ADGRD1: variants seen among roughly 807,000 people sequenced by gnomAD.
ADGRD1 encodes the protein G-protein coupled receptor 133.
A neutral mutation model predicts 113.4 loss-of-function variants in ADGRD1; 77 were observed. The ratio of observed to expected loss-of-function variants is 0.68; its 90% CI spans 0.57 to 0.82. ADGRD1 has a LOEUF of 0.82. Among genes scored for constraint, ADGRD1 ranks in the 40% least tolerant of loss-of-function variants. ADGRD1 has a pLI of 0.00. For missense variants in ADGRD1, 1,036 were observed against 1,139.1 expected (o/e 0.91, Z 1.30); for synonymous variants, 474 against 475.0 (o/e 1.00, Z 0.03).
intron 12 of ADGRD1, among the ~76,000 whole-genome samples, chr12:131,008,404 A>G (rs1436405120): frequency 6.6e-6 from 1 of 152,172 alleles, no homozygotes; most frequent in African/African-American, 2.4e-5. Flanking sequence ...GTGTGTTGTG[A>G]GGATGAAAGG....
chr12:131,010,259 G>A (rs760793888), intron 12 of ADGRD1, among the ~76,000 whole-genome samples: 14 of 152,178 alleles, frequency 9.2e-5, no homozygotes, highest in Admixed American at 3.3e-4. Flanking sequence ...TTGAATTCTC[G>A]CGCTGAGGGA....
chr12:131,008,373 T>C (rs1877437595), intron 12 of ADGRD1, among the ~76,000 whole-genome samples: 1 of 152,262 alleles, frequency 6.6e-6, no homozygotes, highest in African/African-American at 2.4e-5. Context: ...TATTGTGTGC[T>C]GTCATCCTCA....
intron 13 of ADGRD1, among the ~76,000 whole-genome samples, chr12:131,033,434 A>G (rs1384697339): frequency 6.6e-6 from 1 of 152,194 alleles, no homozygotes; most frequent in Non-Finnish European, 1.5e-5. Context: ...AGGCGTCCAC[A>G]TGCGGCCTTC....
At chr12:131,040,000 C>T (rs1881951881) in intron 13 of ADGRD1, among the ~76,000 whole-genome samples, 1 of 152,200 alleles carries the variant, frequency 6.6e-6, no homozygotes, top group African/African-American at 2.4e-5. Flanking sequence ...ACACCAAGGG[C>T]CACAGAGGGA....
intron 13 of ADGRD1, among the ~76,000 whole-genome samples, chr12:131,059,486 A>G (rs570210457): frequency 6.6e-6 from 1 of 152,306 alleles, no homozygotes; most frequent in South Asian, 2.1e-4. Context: ...CAGCCCATCC[A>G]TTGAGATTTT....
intron 14 of ADGRD1, among the ~76,000 whole-genome samples, chr12:131,079,040 G>C (rs183163381): frequency 1.7e-4 from 26 of 152,208 alleles, no homozygotes; most frequent in Admixed American, 1.4e-3. Flanking sequence ...TGCAAGCACC[G>C]ATTTGTCTTC....
intron 13 of ADGRD1, chr12:131,070,537 G>GT (rs1458487854): frequency 3.0e-5 from 6 of 201,838 alleles, no homozygotes; most frequent in African/African-American, 1.4e-4. Flanking sequence ...TGGGGCTTCT[G>GT]TAGGGAGAGG....
intron 18 of ADGRD1, among the ~76,000 whole-genome samples, chr12:131,115,720 C>T (rs1204222842): frequency 6.6e-6 from 1 of 152,188 alleles, no homozygotes; most frequent in Non-Finnish European, 1.5e-5. Flanking sequence ...GAAGCATGTT[C>T]CAGGTCTGCC....
intron 13 of ADGRD1, among the ~76,000 whole-genome samples, chr12:131,032,428 A>G (rs1880881265): frequency 6.6e-6 from 1 of 152,244 alleles, no homozygotes; most frequent in Admixed American, 6.5e-5. Flanking sequence ...CCCTGGAAGT[A>G]CATGCGATGC....
intron 4 of ADGRD1, chr12:130,978,786 T>A (rs758112715): frequency 1.3e-5 from 2 of 152,208 alleles, no homozygotes; most frequent in Non-Finnish European, 2.9e-5. Context: ...GTGAAAGAAA[T>A]TTTAAAATGC....
At chr12:130,974,899 A>G (rs1872127837) in intron 4 of ADGRD1, among the ~76,000 whole-genome samples, 1 of 151,974 alleles carries the variant, frequency 6.6e-6, no homozygotes. Context: ...TCTAGGAGCT[A>G]CTGTGGGTCC....
chr12:130,999,304 G>C (rs1465516809), intron 8 of ADGRD1, among the ~76,000 whole-genome samples: 1 of 152,258 alleles, frequency 6.6e-6, no homozygotes, highest in Non-Finnish European at 1.5e-5. Flanking sequence ...GTGACACAGG[G>C]CGTGACCCAT....
At chr12:130,996,732 CG>C (rs1875464494) in intron 8 of ADGRD1, among the ~76,000 whole-genome samples, 2 of 94,394 alleles carry the variant, frequency 2.1e-5, no homozygotes, top group Non-Finnish European at 4.7e-5. Context: ...CCCTCCCGGA[CG>C]GGGTGGCTGG....
At position 131,108,888 on chromosome 12, in the gene ADGRD1, C is replaced by A; in HGVS notation, c.2041+11C>A. The A allele has an allele frequency of 8.3e-6, 11 of 1,322,550 alleles. No individual in the cohort carries two copies. The highest frequency in any genetic ancestry group is 6.3e-5 in the South Asian group (4 of 63,046). 81.9% of individuals were successfully genotyped at this position (1,322,550 alleles called of 1,614,324 possible). ...ATGGGATGGGATGGGGTAGGTGGGGCAGGGCAGGTGGGATGGCGGGGCGGG... is the reference window on the plus strand; with the variant it reads ...ATGGGATGGGATGGGGTAGGTGGGGAAGGGCAGGTGGGATGGCGGGGCGGG... On this transcript the variant is annotated intron_variant, in intron 18 of 24. Coordinates refer to ENST00000261654, the MANE Select transcript of ADGRD1 (RefSeq NM_198827.5).
At chr12:131,052,420 TC>T (rs556998202) in intron 13 of ADGRD1, among the ~76,000 whole-genome samples, 119 of 152,350 alleles carry the variant, frequency 7.8e-4, no homozygotes, top group African/African-American at 2.7e-3. Flanking sequence ...AGCGAGCTCT[TC>T]TTCTATAGCT....
At chr12:131,077,883 A>C (rs540589708) in intron 14 of ADGRD1, among the ~76,000 whole-genome samples, 1 of 152,320 alleles carries the variant, frequency 6.6e-6, no homozygotes, top group Admixed American at 6.5e-5. Flanking sequence ...TCCTGGGACT[A>C]CAGGTGTGAG....
chr12:131,004,002 T>C (rs1461341868), intron 10 of ADGRD1, among the ~76,000 whole-genome samples, 184 bp from the exon 11 acceptor site: 2 of 148,376 alleles, frequency 1.3e-5, no homozygotes, highest in African/African-American at 4.9e-5. Context: ...AGTCACTGCC[T>C]GGGCTCTTCA....
intron 12 of ADGRD1, among the ~76,000 whole-genome samples, chr12:131,006,851 G>A (rs917405648): frequency 6.6e-6 from 1 of 151,370 alleles, no homozygotes; most frequent in African/African-American, 2.4e-5. Context: ...AAAGTGGGGG[G>A]CCTGCCACTC....
chr12:131,115,532 T>G (rs1950444507), intron 18 of ADGRD1, among the ~76,000 whole-genome samples: 1 of 147,976 alleles, frequency 6.8e-6, no homozygotes, highest in East Asian at 2.0e-4. Context: ...AGGCCTTCGC[T>G]TCACCCACCT....
Sources: gnomAD v4.1 joint callset for allele counts (sites outside exome capture counted in the v4.1 genomes callset) on GRCh38, gnomAD v4.1.1 for gene constraint, MANE v1.5 for transcripts, NCBI Gene and HGNC (gene_info 2026-07-23, HGNC 2026-07-21) for gene names.